The following KCTD1 variants were observed in gnomAD, a reference collection of about 807,000 sequenced individuals.
KCTD1 encodes the protein potassium channel tetramerization domain containing 1, also known as BTB/POZ domain-containing protein KCTD1.
In KCTD1, 24 loss-of-function variants were observed where a neutral mutation model predicts 66.0. That is an observed-to-expected ratio of 0.36 (90% CI 0.26 to 0.51). The LOEUF (loss-of-function observed/expected upper bound fraction) is 0.51, where lower values mean the gene tolerates loss of function less well. KCTD1 is among the 20% of genes least tolerant of loss of function. The pLI, the probability that KCTD1 is intolerant of heterozygous loss-of-function variation, is 0.95. For synonymous variants in KCTD1, 511 were observed against 517.2 expected, an observed-to-expected ratio of 0.99 and a Z score of 0.16; for missense variants, 943 against 1,205.2, an observed-to-expected ratio of 0.78 and a Z score of 3.22.
chr18:26,620,741 T>G (rs1191783665), intron 1 of KCTD1, among the ~76,000 whole-genome samples: 2 of 150,474 alleles, frequency 1.3e-5, no homozygotes, highest in Non-Finnish European at 3.0e-5. Flanking sequence ...TGGCCTAAAA[T>G]TGCAAATTTG....
intron 1 of KCTD1, chr18:26,599,334 G>C: frequency 1.4e-6 from 2 of 1,384,888 alleles, no homozygotes; most frequent in East Asian, 4.6e-5. Flanking sequence ...GAAGCCGGGA[G>C]CGAGCCCAGG....
chr18:26,567,277 T>A (rs1025578564), intron 1 of KCTD1, among the ~76,000 whole-genome samples: 1 of 152,184 alleles, frequency 6.6e-6, no homozygotes, highest in Non-Finnish European at 1.5e-5. Context: ...TCAAGAAACA[T>A]GTTACTAATT....
chr18:26,461,001 C>CG (rs1980391319), intron 3 of KCTD1: 1 of 152,182 alleles, frequency 6.6e-6, no homozygotes, highest in Admixed American at 6.5e-5. Context: ...TTGTGCCTTC[C>CG]GTCCATGGGC....
rs994094861 is a variant in KCTD1 at position 26,514,312 on chromosome 18, G to A, written c.1810-13062C>T. On this transcript the variant is annotated intron_variant, in intron 1 of 4. Coordinates refer to ENST00000580059, the MANE Select transcript of KCTD1 (RefSeq NM_001142730.3). ...TCATGCTTATAATCCCAGTGACTTG[G>A]GAGGCTGAAGTAGGAGGGCTGCTTG... 8.5e-5 allele frequency among the ~76,000 whole-genome samples: 13 copies of A among 152,226 alleles called. No individual in the cohort carries two copies. In the East Asian group the frequency reaches 2.3e-3, roughly 27 times the overall value.
At chr18:26,641,901 G>GTACAATACATATGCATATGTA (rs1987840840), upstream of KCTD1, among the ~76,000 whole-genome samples, 1 of 152,064 alleles carries the variant, frequency 6.6e-6, no homozygotes, top group Non-Finnish European at 1.5e-5. Context: ...ATGCATATGT[G>GTACAATACATATGCATATGTA]TACAATACAT....
chr18:26,577,242 A>G (rs765542821), intron 1 of KCTD1, among the ~76,000 whole-genome samples: 12 of 152,192 alleles, frequency 7.9e-5, no homozygotes, highest in Non-Finnish European at 1.5e-4. Flanking sequence ...CAGCTTCATC[A>G]TCCATCACTG....
chr18:26,598,261 A>T (rs1844978377), intron 1 of KCTD1, among the ~76,000 whole-genome samples: 3 of 152,334 alleles, frequency 2.0e-5, no homozygotes, highest in African/African-American at 7.2e-5. Flanking sequence ...AGGTTCATCC[A>T]TATTGTTCCA....
At chr18:26,582,157 C>T (rs72887353) in intron 1 of KCTD1, among the ~76,000 whole-genome samples, 2,290 of 151,092 alleles carry the variant, frequency 0.015, 31 homozygotes, top group Admixed American at 0.033. Flanking sequence ...CCTGTGGTCT[C>T]AGCTTCTCTG....
Position 26,548,426 on chromosome 18 carries a change from G to C in KCTD1, c.111C>G (p.Gly37=), listed in dbSNP as rs1459158777. Residue 37 remains glycine, a synonymous_variant, in exon 1 of 5, where the codon GGC becomes GGG. Transcript: ENST00000580059. The part of the protein sequence containing the change: ...NNGERGEGER[G]AGGRGRRHSR... ...TGTGGCGGCGGCCGCGGCCCCCCGC[G>C]CCGCGCTCGCCCTCGCCCCGCTCCC... 1 of 1,421,334 alleles carries C rather than the reference G, an allele frequency of 7.0e-7. No homozygotes were observed. Among genetic ancestry groups the C allele is most frequent in the South Asian group, 1.5e-5 (1 of 67,628 alleles). The allele number at this position is 1,421,334 out of a possible 1,614,324, so 88.0% of individuals were successfully genotyped here.
chr18:26,515,185 A>G (rs1983589996), intron 1 of KCTD1, among the ~76,000 whole-genome samples: 1 of 152,232 alleles, frequency 6.6e-6, no homozygotes, highest in Non-Finnish European at 1.5e-5. Context: ...AAACCATTGT[A>G]ACTTGTATTC....
intron 1 of KCTD1, among the ~76,000 whole-genome samples, chr18:26,539,881 C>T (rs1031116356): frequency 1.3e-5 from 2 of 152,018 alleles, no homozygotes; most frequent in African/African-American, 4.8e-5. Context: ...TTTCAAATAT[C>T]AAGTTTACAT....
intron 1 of KCTD1, among the ~76,000 whole-genome samples, chr18:26,523,101 G>C (rs183991590): frequency 1.7e-3 from 264 of 152,182 alleles, no homozygotes; most frequent in African/African-American, 5.9e-3. Context: ...TGATGTTGTA[G>C]ATTTGCGTTT....
chr18:26,643,217 G>C (rs2145065499), upstream of KCTD1, among the ~76,000 whole-genome samples: 1 of 152,222 alleles, frequency 6.6e-6, no homozygotes, highest in South Asian at 2.1e-4. Flanking sequence ...AGAGCAGATA[G>C]AGACTGAGTT....
At chr18:26,513,234 C>A (rs962475185) in intron 1 of KCTD1, among the ~76,000 whole-genome samples, 8 of 151,504 alleles carry the variant, frequency 5.3e-5, no homozygotes, top group Admixed American at 4.6e-4. Flanking sequence ...ACTACAGGCG[C>A]CCGCAACCAC....
intron 1 of KCTD1, among the ~76,000 whole-genome samples, chr18:26,580,466 A>C (rs1158381518): frequency 6.6e-6 from 1 of 152,170 alleles, no homozygotes; most frequent in Admixed American, 6.5e-5. Context: ...TCTGTTCACC[A>C]ACATAGCTAG....
upstream of KCTD1, among the ~76,000 whole-genome samples, chr18:26,552,271 T>G (rs1382459585): frequency 6.6e-6 from 1 of 152,198 alleles, no homozygotes; most frequent in Non-Finnish European, 1.5e-5. Flanking sequence ...TACAGAAACA[T>G]ATTCAGCTCT....
chr18:26,648,646 T>C (rs1987972963), intron 1 of KCTD1, among the ~76,000 whole-genome samples: 1 of 152,160 alleles, frequency 6.6e-6, no homozygotes, highest in South Asian at 2.1e-4. Flanking sequence ...TGAGAGGAGT[T>C]AAAATATGTA....
At chr18:26,651,799 A>AGAAGAAGAAGAAGAAG (rs1160240200) in intron 1 of KCTD1, among the ~76,000 whole-genome samples, 2 of 117,116 alleles carry the variant, frequency 1.7e-5, no homozygotes, top group African/African-American at 7.1e-5. Flanking sequence ...AAAAAAAAAA[A>AGAAGAAGAAGAAGAAG]AAGAAGAAGA....
At chr18:26,614,510 G>T (rs576104330) in intron 1 of KCTD1, among the ~76,000 whole-genome samples, 1 of 152,312 alleles carries the variant, frequency 6.6e-6, no homozygotes, top group East Asian at 1.9e-4. Flanking sequence ...GAGAGGAGAG[G>T]GATGAATCGT....
Sources: allele counts gnomAD v4.1 joint callset (sites outside exome capture counted in the v4.1 genomes callset), GRCh38; gene constraint gnomAD v4.1.1; transcripts MANE v1.5; gene names NCBI Gene and HGNC (gene_info 2026-07-23, HGNC 2026-07-21).